The following CDH11 variants were observed in gnomAD, a reference collection of about 807,000 sequenced individuals.
CDH11 encodes the protein cadherin-11.
Under a neutral mutation model 67.8 loss-of-function variants are expected in CDH11, and 11 were observed. That is an observed-to-expected ratio of 0.16 (90% CI 0.10 to 0.27). The LOEUF is 0.27. Among genes scored for constraint, CDH11 ranks in the 10% least tolerant of loss-of-function variants. The pLI is 1.00. For missense variants in CDH11, 847 were observed against 1,031.2 expected, an observed-to-expected ratio of 0.82 and a Z score of 2.45; for synonymous variants, 419 against 400.0, an observed-to-expected ratio of 1.05 and a Z score of -0.57.
chr16:64,950,670 G>A (rs1284933570), intron 12 of CDH11, 97 bp downstream of exon 12: 2 of 1,438,882 alleles, frequency 1.4e-6, no homozygotes, highest in Admixed American at 2.1e-5. Flanking sequence ...GTCATAACAG[G>A]GTCCTGGTTA....
intron 1 of CDH11, among the ~76,000 whole-genome samples, chr16:65,064,807 A>C (rs1170950420): frequency 6.6e-6 from 1 of 152,206 alleles, no homozygotes; most frequent in Non-Finnish European, 1.5e-5. Flanking sequence ...AGAAAGTAGA[A>C]GGAGTCAAAA....
chr16:64,966,046 G>A (rs919340031), intron 11 of CDH11, among the ~76,000 whole-genome samples: 3 of 151,924 alleles, frequency 2.0e-5, no homozygotes, highest in Non-Finnish European at 2.9e-5. Context: ...GCTTAAAAAG[G>A]ACAGAAAATA....
Position 65,074,143 on chromosome 16 carries a change from C to G in CDH11, c.-297-20215G>C, listed in dbSNP as rs373035993. On this transcript the variant is annotated intron_variant, in intron 1 of 12. Coordinates refer to ENST00000268603, the MANE Select transcript of CDH11 (RefSeq NM_001797.4). ...CCTGGTGACTGCCCTTTGGGGAGTT[C>G]ATTTAACTTTCATTCCCTTATTCTT... 1.4e-4 allele frequency among the ~76,000 whole-genome samples: 22 copies of G among 152,226 alleles called. No homozygotes were observed. The East Asian group carries it at 2.1e-3, about 15-fold the overall frequency.
At chr16:65,076,738 C>T (rs1249348933) in intron 1 of CDH11, among the ~76,000 whole-genome samples, 2 of 120,930 alleles carry the variant, frequency 1.7e-5, no homozygotes, top group African/African-American at 6.2e-5. Flanking sequence ...TCCATATGTT[C>T]TCATTGTTAA....
At chr16:64,961,504 T>G (rs953258473) in intron 11 of CDH11, among the ~76,000 whole-genome samples, 5 of 152,194 alleles carry the variant, frequency 3.3e-5, no homozygotes, top group Non-Finnish European at 2.9e-5. Flanking sequence ...CAGTTTTTAG[T>G]ATGTCAGTGC....
chr16:65,040,162 C>T (rs1567543292), intron 2 of CDH11, among the ~76,000 whole-genome samples: 1 of 152,120 alleles, frequency 6.6e-6, no homozygotes, highest in Non-Finnish European at 1.5e-5. Context: ...TCTCAGGGAT[C>T]TAGAACTAGA....
intron 1 of CDH11, among the ~76,000 whole-genome samples, chr16:65,093,121 A>G (rs2074822242): frequency 6.6e-6 from 1 of 150,562 alleles, no homozygotes; most frequent in South Asian, 2.1e-4. Flanking sequence ...TATTTTTAGT[A>G]GAGATGGGGT....
chr16:65,050,931 C>T (rs1398328165), intron 2 of CDH11, among the ~76,000 whole-genome samples: 1 of 152,086 alleles, frequency 6.6e-6, no homozygotes, highest in Non-Finnish European at 1.5e-5. Context: ...ATGTCACTCG[C>T]ACATCTTATT....
intron 8 of CDH11, among the ~76,000 whole-genome samples, chr16:64,978,021 A>C (rs1041241853): frequency 3.9e-5 from 6 of 152,192 alleles, no homozygotes; most frequent in African/African-American, 1.4e-4. Flanking sequence ...TTGTCCGTGT[A>C]ATTTCCTTTC....
intron 1 of CDH11, among the ~76,000 whole-genome samples, chr16:65,070,659 T>C (rs188962964): frequency 4.9e-4 from 75 of 152,336 alleles, no homozygotes; most frequent in African/African-American, 1.7e-3. Flanking sequence ...CTGCTAAGAC[T>C]GAATCTTGTT....
At chr16:65,046,835 C>T (rs555769208) in intron 2 of CDH11, among the ~76,000 whole-genome samples, 149 of 152,232 alleles carry the variant, frequency 9.8e-4, no homozygotes, top group African/African-American at 3.3e-3. Flanking sequence ...TGGCTGGGCG[C>T]GGTGACTCAG....
intron 11 of CDH11, among the ~76,000 whole-genome samples, chr16:64,960,585 C>A (rs951782673): frequency 6.6e-6 from 1 of 152,066 alleles, no homozygotes; most frequent in African/African-American, 2.4e-5. Flanking sequence ...TCTTTATGTA[C>A]AGTGAGACTT....
chr16:65,009,553 A>C (rs900312325), intron 2 of CDH11, among the ~76,000 whole-genome samples: 1 of 152,158 alleles, frequency 6.6e-6, no homozygotes, highest in African/African-American at 2.4e-5. Context: ...ACTTAGTAGG[A>C]ATCTCCCATG....
intron 2 of CDH11, among the ~76,000 whole-genome samples, chr16:65,027,341 A>G (rs1486879067): frequency 1.3e-5 from 2 of 152,202 alleles, no homozygotes; most frequent in African/African-American, 4.8e-5. Context: ...CCCAAATAAC[A>G]TCTCCGTAGG....
intron 8 of CDH11, chr16:64,981,097 C>CTTTCT (rs2072328141): frequency 8.6e-6 from 1 of 116,468 alleles, no homozygotes; most frequent in African/African-American, 3.8e-5. Context: ...TTCTTTCTTT[C>CTTTCT]TTTTTTTTTT....
intron 1 of CDH11, among the ~76,000 whole-genome samples, chr16:65,111,929 G>A (rs1311845777): frequency 2.6e-5 from 4 of 151,846 alleles, no homozygotes; most frequent in Non-Finnish European, 5.9e-5. Context: ...AATTAGCCGG[G>A]TGTGGTGGCG....
At chr16:65,087,472 T>C (rs1597177752) in intron 1 of CDH11, among the ~76,000 whole-genome samples, 1 of 152,186 alleles carries the variant, frequency 6.6e-6, no homozygotes, top group Non-Finnish European at 1.5e-5. Flanking sequence ...CTAATGCAAA[T>C]CATACATCAC....
intron 1 of CDH11, among the ~76,000 whole-genome samples, chr16:65,096,960 A>AT (rs367983725): frequency 0.022 from 3,341 of 151,444 alleles, 53 homozygotes; most frequent in South Asian, 0.039. Flanking sequence ...TTTCAGTTTG[A>AT]TTTTTTTTTG....
intron 7 of CDH11, 108 bp from the exon 8 acceptor site, chr16:64,982,409 A>C: frequency 1.2e-6 from 1 of 841,938 alleles, no homozygotes; most frequent in Non-Finnish European, 1.9e-6. Flanking sequence ...AAGAGAGAAA[A>C]TCAGAGTCTA....
Sources: gnomAD v4.1 joint callset for allele counts (sites outside exome capture counted in the v4.1 genomes callset) on GRCh38, gnomAD v4.1.1 for gene constraint, MANE v1.5 for transcripts, NCBI Gene and HGNC (gene_info 2026-07-23, HGNC 2026-07-21) for gene names.